The following STAT5B variants were observed in gnomAD, a reference collection of about 807,000 sequenced individuals.
The protein encoded by STAT5B is transcription factor STAT5B.
STAT5B carries 21 observed loss-of-function variants against 107.8 expected under a neutral mutation model. That is an observed-to-expected ratio of 0.19 (90% confidence interval 0.14 to 0.28). STAT5B has a LOEUF of 0.28. STAT5B is among the 10% of genes least tolerant of loss of function. STAT5B has a pLI of 1.00. For synonymous variants in STAT5B, 325 were observed against 401.7 expected (o/e 0.81, Z 2.28); for missense variants, 565 against 1,008.2 (o/e 0.56, Z 5.95).
At chr17:42,228,935 G>A (rs1040574259) in intron 2 of STAT5B, among the ~76,000 whole-genome samples, 3 of 152,078 alleles carry the variant, frequency 2.0e-5, no homozygotes, top group Non-Finnish European at 2.9e-5. Context: ...TTCTCTCTAC[G>A]AAAACATAAC....
At chr17:42,206,353 A>T (rs1369230244) in intron 16 of STAT5B, among the ~76,000 whole-genome samples, 1 of 150,858 alleles carries the variant, frequency 6.6e-6, no homozygotes, top group Non-Finnish European at 1.5e-5. Context: ...GCCTCCCAAA[A>T]GTCTGGGATT....
At position 42,262,942 on chromosome 17, in the gene STAT5B, ATGTGTGTGTG is replaced by A. The variant is rs755220447; in HGVS notation, c.-11+13296_-11+13305del. Reference sequence around the variant, plus strand: ...TGTGTGTATATATATATGTATATATATGTGTGTGTGTGTGTGTGTGTGTGTGTGTATATAT... The same window carrying A: ...TGTGTGTATATATATATGTATATATATGTGTGTGTGTGTGTGTGTATATAT... On this transcript the variant is annotated intron_variant, in intron 1 of 18. Coordinates refer to ENST00000293328, the MANE Select transcript of STAT5B (RefSeq NM_012448.4). Among the ~76,000 whole-genome samples, 156 of 45,420 alleles carry A rather than the reference ATGTGTGTGTG, an allele frequency of 3.4e-3. 2 individuals carry two copies. The highest frequency in any genetic ancestry group is 0.013 in the African/African-American group (145 of 10,864). The allele number at this position is 45,420 out of a possible 152,430, so 29.8% of individuals were successfully genotyped here. A position where few individuals can be genotyped will look rare whatever the true frequency, so the allele number is the denominator to read the frequency against.
chr17:42,205,070 C>T (rs2080075205), intron 16 of STAT5B, among the ~76,000 whole-genome samples: 2 of 152,212 alleles, frequency 1.3e-5, no homozygotes, highest in South Asian at 4.1e-4. Context: ...CTCTGTTGCC[C>T]AGGCTGGAGT....
chr17:42,270,447 C>T (rs2080713801), intron 1 of STAT5B: 1 of 152,062 alleles, frequency 6.6e-6, no homozygotes. Context: ...GCCAAGGAGA[C>T]AGCTTATAGC....
At chr17:42,239,613 C>G (rs2080386023) in intron 1 of STAT5B, among the ~76,000 whole-genome samples, 1 of 152,320 alleles carries the variant, frequency 6.6e-6, no homozygotes, top group Middle Eastern at 3.4e-3. Flanking sequence ...TGAATCTACT[C>G]TTTATCCTAA....
intron 1 of STAT5B, among the ~76,000 whole-genome samples, chr17:42,269,103 T>G (rs974043278): frequency 1.3e-5 from 2 of 152,202 alleles, no homozygotes; most frequent in East Asian, 1.9e-4. Context: ...AGATGGAGTC[T>G]CGCTCCGTCT....
At chr17:42,260,330 G>A (rs1257602284) in intron 1 of STAT5B, among the ~76,000 whole-genome samples, 1 of 152,154 alleles carries the variant, frequency 6.6e-6, no homozygotes, top group Non-Finnish European at 1.5e-5. Context: ...TTTTATAACT[G>A]TAAGATACAC....
At chr17:42,255,732 T>C (rs1212036022) in intron 1 of STAT5B, among the ~76,000 whole-genome samples, 1 of 152,228 alleles carries the variant, frequency 6.6e-6, no homozygotes, top group Non-Finnish European at 1.5e-5. Flanking sequence ...ATTCTGGAGA[T>C]GGACCAGGTG....
chr17:42,223,884 CCTA>C (rs1313924029), intron 4 of STAT5B, among the ~76,000 whole-genome samples: 1 of 152,148 alleles, frequency 6.6e-6, no homozygotes, highest in African/African-American at 2.4e-5. Context: ...CCTGGGTTTT[CCTA>C]CTAATGAGGA....
intron 1 of STAT5B, among the ~76,000 whole-genome samples, chr17:42,240,264 A>T (rs2080391184): frequency 6.6e-6 from 1 of 152,258 alleles, no homozygotes; most frequent in African/African-American, 2.4e-5. Flanking sequence ...AAACAGATAA[A>T]TATGGATAGG....
At chr17:42,233,311 A>G (rs1238258910) in intron 1 of STAT5B, among the ~76,000 whole-genome samples, 1 of 152,180 alleles carries the variant, frequency 6.6e-6, no homozygotes, top group Non-Finnish European at 1.5e-5. Context: ...TTTGCACACA[A>G]AGAGCACAGA....
chr17:42,279,926 A>T (rs1344101334), upstream of STAT5B, among the ~76,000 whole-genome samples: 1 of 152,126 alleles, frequency 6.6e-6, no homozygotes, highest in Non-Finnish European at 1.5e-5. Context: ...GTGTGCACAG[A>T]TGCTGAGGAC....
At chr17:42,272,850 C>T (rs1474405694) in intron 1 of STAT5B, among the ~76,000 whole-genome samples, 2 of 152,140 alleles carry the variant, frequency 1.3e-5, no homozygotes, top group Non-Finnish European at 2.9e-5. Flanking sequence ...AACGTCACTT[C>T]AACTCTGAAA....
At chr17:42,228,154 G>A (rs1309276846) in intron 2 of STAT5B, among the ~76,000 whole-genome samples, 4 of 152,220 alleles carry the variant, frequency 2.6e-5, no homozygotes, top group African/African-American at 9.7e-5. Context: ...CTTAGGTAGA[G>A]ACAGGTGAAA....
chr17:42,234,210 C>T (rs1288399332), intron 1 of STAT5B: 1 of 152,196 alleles, frequency 6.6e-6, no homozygotes, highest in African/African-American at 2.4e-5. Context: ...GATCACGTAA[C>T]ACTGGGCTAT....
At chr17:42,203,221 A>G (rs1384094483) in intron 16 of STAT5B, among the ~76,000 whole-genome samples, 3 of 152,162 alleles carry the variant, frequency 2.0e-5, no homozygotes, top group Admixed American at 1.3e-4. Context: ...GATTACAGGC[A>G]TAAGCCACCG....
intron 3 of STAT5B, among the ~76,000 whole-genome samples, chr17:42,225,684 T>C (rs987454266): frequency 3.3e-5 from 5 of 152,244 alleles, no homozygotes; most frequent in African/African-American, 1.2e-4. Context: ...TACTATCTAA[T>C]ACAAAAGAAA....
At chr17:42,210,674 G>C in intron 13 of STAT5B, 177 bp from the exon 14 acceptor site, 1 of 663,160 alleles carries the variant, frequency 1.5e-6, no homozygotes, top group East Asian at 2.9e-5. Context: ...AAAGAGGGAA[G>C]AAGGGGAAAA....
chr17:42,275,571 ACC>A (rs1275434708), intron 1 of STAT5B: 1 of 150,884 alleles, frequency 6.6e-6, no homozygotes, highest in East Asian at 2.0e-4. Flanking sequence ...CTCCATATCT[ACC>A]CCCCGACACC....
Sources: allele counts gnomAD v4.1 joint callset (sites outside exome capture counted in the v4.1 genomes callset), GRCh38; gene constraint gnomAD v4.1.1; transcripts MANE v1.5; gene names NCBI Gene and HGNC (gene_info 2026-07-23, HGNC 2026-07-21).